The following CCSER1 variants were observed in gnomAD, a reference collection of about 807,000 sequenced individuals.
CCSER1 encodes serine-rich coiled-coil domain-containing protein 1.
CCSER1 carries 41 observed loss-of-function variants against 82.0 expected under a neutral mutation model. That is an observed-to-expected ratio of 0.50 (90% CI 0.39 to 0.65). The LOEUF is 0.65. Among genes scored for constraint, CCSER1 ranks in the 30% least tolerant of loss-of-function variants. The pLI is 0.00. For missense variants in CCSER1, 1,119 were observed against 1,064.2 expected (o/e 1.05, Z -0.72); for synonymous variants, 414 against 383.9 (o/e 1.08, Z -0.92).
chr4:90,450,042 A>C (rs1211490573), intron 4 of CCSER1, among the ~76,000 whole-genome samples: 1 of 152,192 alleles, frequency 6.6e-6, no homozygotes, highest in Non-Finnish European at 1.5e-5. Context: ...GAAGAGGTAC[A>C]TCTAACTGCT....
intron 1 of CCSER1, among the ~76,000 whole-genome samples, chr4:90,280,126 C>T (rs1728599285): frequency 6.6e-6 from 1 of 151,890 alleles, no homozygotes; most frequent in Admixed American, 6.6e-5. Context: ...CAAATTCCAA[C>T]AAGTTGGTAA....
At chr4:90,688,643 G>T (rs986278139) in intron 6 of CCSER1, among the ~76,000 whole-genome samples, 3 of 152,044 alleles carry the variant, frequency 2.0e-5, no homozygotes, top group Non-Finnish European at 4.4e-5. Context: ...GATGTTTTAT[G>T]ATGGTGGTTA....
intron 10 of CCSER1, among the ~76,000 whole-genome samples, chr4:91,301,697 G>A (rs541126630): frequency 6.6e-6 from 1 of 151,898 alleles, no homozygotes; most frequent in East Asian, 1.9e-4. Context: ...ACTTTTTAGA[G>A]AAAGTCACAT....
At chr4:90,180,245 G>T (rs1490446361) in intron 1 of CCSER1, among the ~76,000 whole-genome samples, 1 of 151,654 alleles carries the variant, frequency 6.6e-6, no homozygotes, top group African/African-American at 2.4e-5. Context: ...TTTAGAGTTG[G>T]AACAAACTTT....
intron 10 of CCSER1, among the ~76,000 whole-genome samples, chr4:91,383,862 G>A (rs1751098978): frequency 6.6e-6 from 1 of 152,156 alleles, no homozygotes; most frequent in African/African-American, 2.4e-5. Flanking sequence ...CAAGTAGAGT[G>A]TTGCATAAAG....
chr4:91,521,461 T>A (rs1413158606), intron 10 of CCSER1, among the ~76,000 whole-genome samples: 1 of 152,206 alleles, frequency 6.6e-6, no homozygotes, highest in Non-Finnish European at 1.5e-5. Context: ...GCACACTGTC[T>A]TCCACAATGG....
At chr4:90,364,554 A>G (rs1417680128) in intron 3 of CCSER1, among the ~76,000 whole-genome samples, 1 of 152,084 alleles carries the variant, frequency 6.6e-6, no homozygotes, top group Non-Finnish European at 1.5e-5. Flanking sequence ...ATCTGCTTAA[A>G]CATTGTATAG....
intron 10 of CCSER1, among the ~76,000 whole-genome samples, chr4:91,231,444 AAC>A (rs939741216): frequency 2.6e-5 from 4 of 151,822 alleles, no homozygotes; most frequent in African/African-American, 9.7e-5. Flanking sequence ...ATACATATGA[AAC>A]ACAGAGAGGT....
intron 5 of CCSER1, among the ~76,000 whole-genome samples, chr4:90,605,191 G>A (rs1022462042): frequency 1.3e-5 from 2 of 152,146 alleles, no homozygotes; most frequent in East Asian, 3.9e-4. Context: ...AACATTAGAA[G>A]TAACAAACTC....
At chr4:91,433,515 T>C (rs1478866257) in intron 10 of CCSER1, among the ~76,000 whole-genome samples, 1 of 152,210 alleles carries the variant, frequency 6.6e-6, no homozygotes, top group Non-Finnish European at 1.5e-5. Flanking sequence ...GGTGTACCAT[T>C]TTTTATCTTT....
At chr4:90,496,806 G>C (rs572914901) in intron 5 of CCSER1, among the ~76,000 whole-genome samples, 1 of 151,612 alleles carries the variant, frequency 6.6e-6, no homozygotes, top group Non-Finnish European at 1.5e-5. Flanking sequence ...GTGAAACCCC[G>C]TCTCTACTAA....
intron 9 of CCSER1, among the ~76,000 whole-genome samples, chr4:91,066,520 A>G (rs1211530118): frequency 1.3e-5 from 2 of 152,206 alleles, no homozygotes; most frequent in Non-Finnish European, 2.9e-5. Flanking sequence ...CATCCATATC[A>G]CAGTAAAAGA....
intron 2 of CCSER1, among the ~76,000 whole-genome samples, chr4:90,310,715 C>T (rs922492415): frequency 1.3e-5 from 2 of 152,010 alleles, no homozygotes; most frequent in African/African-American, 4.8e-5. Flanking sequence ...CTCTCTGAAT[C>T]CAAAGCTCTG....
intron 10 of CCSER1, among the ~76,000 whole-genome samples, chr4:91,219,542 A>G (rs1737569027): frequency 6.6e-6 from 1 of 152,042 alleles, no homozygotes; most frequent in Non-Finnish European, 1.5e-5. Context: ...ACCTCAAGTG[A>G]TCTGACCACC....
At chr4:90,262,203 G>A (rs1187762492) in intron 1 of CCSER1, among the ~76,000 whole-genome samples, 1 of 152,066 alleles carries the variant, frequency 6.6e-6, no homozygotes, top group Admixed American at 6.6e-5. Flanking sequence ...GTCTTAGGTA[G>A]AGTATTGCTT....
chr4:90,253,782 C>A (rs543342477), intron 1 of CCSER1, among the ~76,000 whole-genome samples: 1 of 152,172 alleles, frequency 6.6e-6, no homozygotes, highest in Admixed American at 6.6e-5. Context: ...ATCAACTTCT[C>A]AAGAGATGAC....
At chr4:90,445,754 T>C (rs926380310) in intron 4 of CCSER1, among the ~76,000 whole-genome samples, 2 of 152,118 alleles carry the variant, frequency 1.3e-5, no homozygotes, top group Non-Finnish European at 2.9e-5. Context: ...CCCTATTAGA[T>C]AGCATGACAT....
intron 5 of CCSER1, among the ~76,000 whole-genome samples, chr4:90,489,019 A>G (rs1560599331): frequency 1.3e-5 from 2 of 152,190 alleles, no homozygotes; most frequent in African/African-American, 4.8e-5. Flanking sequence ...CAACTTGGAT[A>G]ATACATACCA....
intron 1 of CCSER1, among the ~76,000 whole-genome samples, chr4:90,203,496 T>C (rs1738159540): frequency 6.6e-6 from 1 of 152,196 alleles, no homozygotes. Context: ...GGTTTCCAGC[T>C]TCATCCATGT....
Sources: allele counts gnomAD v4.1 joint callset (sites outside exome capture counted in the v4.1 genomes callset), GRCh38; gene constraint gnomAD v4.1.1; transcripts MANE v1.5; gene names NCBI Gene and HGNC (gene_info 2026-07-23, HGNC 2026-07-21).